CADPS: variants seen among roughly 807,000 people sequenced by gnomAD.
The protein encoded by CADPS is calcium-dependent secretion activator 1.
In CADPS, 57 loss-of-function variants were observed where a neutral mutation model predicts 167.3. The observed-to-expected ratio is 0.34, with a 90% CI of 0.28 to 0.42. The LOEUF is 0.42. CADPS is among the 20% of genes least tolerant of loss of function. The pLI, the probability that CADPS is intolerant of heterozygous loss-of-function variation, is 1.00. For missense variants in CADPS, 1,414 were observed against 1,738.1 expected (o/e 0.81, Z 3.32); for synonymous variants, 676 against 635.3 (o/e 1.06, Z -0.96).
At chr3:62,472,890 T>C (rs2060793263) in intron 24 of CADPS, among the ~76,000 whole-genome samples, 1 of 152,190 alleles carries the variant, frequency 6.6e-6, no homozygotes, top group South Asian at 2.1e-4. Context: ...GTTTACATAC[T>C]GAGTATCCAG....
intron 1 of CADPS, among the ~76,000 whole-genome samples, chr3:62,785,778 A>G (rs1330078132): frequency 6.6e-6 from 1 of 152,148 alleles, no homozygotes; most frequent in Non-Finnish European, 1.5e-5. Flanking sequence ...TGATATATGG[A>G]TCTTTATCAA....
chr3:62,549,896 T>A lies in CADPS; in HGVS notation c.1966+7A>T, dbSNP rs752485681. The A allele has an allele frequency of 6.2e-7, 1 of 1,609,548 alleles. No homozygotes were observed. On this transcript the variant is annotated splice_region_variant and intron_variant, in intron 11 of 29. Transcript: ENST00000383710. ...AGCTATTTTTGTAAAACGGCATATT[T>A]ACTTACAAAATTGAGAGATAGGGGC...
chr3:62,690,862 C>G (rs1489801404), intron 3 of CADPS, among the ~76,000 whole-genome samples: 1 of 151,946 alleles, frequency 6.6e-6, no homozygotes, highest in Non-Finnish European at 1.5e-5. Context: ...TATGTCCACA[C>G]ACAAACCTGT....
chr3:62,527,030 C>T (rs1379723214), intron 13 of CADPS, among the ~76,000 whole-genome samples: 3 of 152,132 alleles, frequency 2.0e-5, no homozygotes, highest in Non-Finnish European at 4.4e-5. Context: ...TGCAGATTCC[C>T]AGCTCCATTT....
At chr3:62,489,310 A>G (rs2063330291) in intron 21 of CADPS, among the ~76,000 whole-genome samples, 1 of 151,980 alleles carries the variant, frequency 6.6e-6, no homozygotes, top group Non-Finnish European at 1.5e-5. Context: ...ACAGGTGCCC[A>G]CCACCACGCC....
intron 21 of CADPS, among the ~76,000 whole-genome samples, chr3:62,489,280 C>T (rs556539754): frequency 5.0e-4 from 76 of 152,224 alleles, no homozygotes; most frequent in African/African-American, 1.8e-3. Context: ...CCTGCCTCAG[C>T]CTCCCGAGTA....
At chr3:62,626,534 A>T (rs2064123487) in intron 6 of CADPS, 2 of 702,742 alleles carry the variant, frequency 2.8e-6, no homozygotes, top group African/African-American at 3.5e-5. Context: ...ATCAAATGGC[A>T]CTGTGAGGCA....
At chr3:62,593,346 G>A (rs914646269) in intron 6 of CADPS, among the ~76,000 whole-genome samples, 1 of 152,160 alleles carries the variant, frequency 6.6e-6, no homozygotes, top group East Asian at 1.9e-4. Context: ...TGTGGATATC[G>A]GAGTCTCAGT....
intron 8 of CADPS, among the ~76,000 whole-genome samples, chr3:62,576,714 C>G (rs943756592): frequency 1.5e-5 from 2 of 131,996 alleles, no homozygotes; most frequent in Non-Finnish European, 3.1e-5. Context: ...TCAGTTGAAC[C>G]TGGAAACGGA....
Position 62,875,175 on chromosome 3 carries a change from C to T in CADPS, c.-146G>A, listed in dbSNP as rs1404573622. The T allele has an allele frequency of 9.2e-7, 1 of 1,085,384 alleles. No homozygotes were observed. The highest frequency in any genetic ancestry group is 1.2e-6 in the Non-Finnish European group (1 of 846,846). 67.2% of individuals were successfully genotyped at this position (1,085,384 alleles called of 1,614,324 possible). A position where few individuals can be genotyped will look rare whatever the true frequency, so the allele number is the denominator to read the frequency against. ...GAGAGCGCTGCTGCTCAGCCTCGGC[C>T]GCCGCGACTGATCCTCTGCCCGGCG... On this transcript the variant is annotated 5_prime_UTR_variant, in exon 1 of 30. Coordinates refer to ENST00000383710, the MANE Select transcript of CADPS (RefSeq NM_003716.4).
At chr3:62,653,851 G>C (rs948143521) in intron 4 of CADPS, among the ~76,000 whole-genome samples, 1 of 152,058 alleles carries the variant, frequency 6.6e-6, no homozygotes, top group African/African-American at 2.4e-5. Context: ...CACAGTACCA[G>C]TTCCTTCTGG....
chr3:62,643,122 G>C (rs2067788860), intron 6 of CADPS, among the ~76,000 whole-genome samples: 1 of 152,190 alleles, frequency 6.6e-6, no homozygotes. Context: ...TACATGTAAA[G>C]GATAAAGGAA....
intron 3 of CADPS, among the ~76,000 whole-genome samples, chr3:62,676,881 A>G (rs2076417232): frequency 6.6e-6 from 1 of 152,164 alleles, no homozygotes; most frequent in African/African-American, 2.4e-5. Flanking sequence ...GGAACAAGAT[A>G]GCGCCCTGGG....
At chr3:62,410,661 G>T (rs1195105861) in intron 28 of CADPS, among the ~76,000 whole-genome samples, 2 of 152,198 alleles carry the variant, frequency 1.3e-5, no homozygotes, top group African/African-American at 4.8e-5. Context: ...AGGATTAAAT[G>T]AGTTATTTAG....
At chr3:62,686,471 C>A (rs1386289841) in intron 3 of CADPS, among the ~76,000 whole-genome samples, 1 of 151,942 alleles carries the variant, frequency 6.6e-6, no homozygotes, top group Non-Finnish European at 1.5e-5. Context: ...AGTTATTTTC[C>A]TTGAATTTCT....
At chr3:62,675,566 A>C (rs2076214242) in intron 3 of CADPS, among the ~76,000 whole-genome samples, 1 of 152,184 alleles carries the variant, frequency 6.6e-6, no homozygotes, top group African/African-American at 2.4e-5. Flanking sequence ...TGAGAGAGAA[A>C]CCTGCAAATA....
Position 62,585,110 on chromosome 3 carries a change from TG to T in CADPS, c.1577+74del, listed in dbSNP as rs1204093263. 3 of 1,332,682 alleles carry T rather than the reference TG, an allele frequency of 2.3e-6. No individual in the cohort carries two copies. The African/African-American group carries it at 4.4e-5, about 19-fold the overall frequency. 82.6% of individuals were successfully genotyped at this position (1,332,682 alleles called of 1,614,324 possible). A position where few individuals can be genotyped will look rare whatever the true frequency, so the allele number is the denominator to read the frequency against. On this transcript the variant is annotated intron_variant, in intron 8 of 29. Transcript: ENST00000383710. ...TCTACATAGTTCTCTGAAGATCTTG[TG>T]TTTATTTTTGTTTTCATTTTGAGAA...
rs111603374 is a variant in CADPS, at chr3:62,688,500, C to G, written c.889-26106G>C. Among the ~76,000 whole-genome samples, 107 of 152,146 alleles carry G rather than the reference C, an allele frequency of 7.0e-4. 1 individual carries two copies. The highest frequency in any genetic ancestry group is 2.3e-3 in the African/African-American group (97 of 41,506). Reference sequence around the variant, plus strand: ...TATTTTTAAGGTGCCTACTATGTGCCACTGCAAACAGGAAGGTGGAGGAAG... The same window carrying G: ...TATTTTTAAGGTGCCTACTATGTGCGACTGCAAACAGGAAGGTGGAGGAAG... On this transcript the variant is annotated intron_variant, in intron 3 of 29. Coordinates refer to ENST00000383710, the MANE Select transcript of CADPS (RefSeq NM_003716.4).
At chr3:62,825,419 C>T (rs1269410447) in intron 1 of CADPS, among the ~76,000 whole-genome samples, 1 of 152,086 alleles carries the variant, frequency 6.6e-6, no homozygotes, top group Non-Finnish European at 1.5e-5. Context: ...AATGATCAGG[C>T]CTTACATCAG....
Sources: allele counts gnomAD v4.1 joint callset (sites outside exome capture counted in the v4.1 genomes callset), GRCh38; gene constraint gnomAD v4.1.1; transcripts MANE v1.5; gene names NCBI Gene and HGNC (gene_info 2026-07-23, HGNC 2026-07-21).